HSD17B4: variants seen among roughly 807,000 people sequenced by gnomAD.
The protein encoded by HSD17B4 is peroxisomal multifunctional enzyme type 2.
HSD17B4 carries 70 observed loss-of-function variants against 101.0 expected under a neutral mutation model. The ratio of observed to expected loss-of-function variants is 0.69; its 90% CI spans 0.57 to 0.85. HSD17B4 has a LOEUF of 0.85. Ranked by LOEUF, HSD17B4 falls within the 40% of genes least tolerant of loss-of-function variation. The pLI is 0.00. For synonymous variants in HSD17B4, 347 were observed against 297.1 expected (o/e 1.17, Z -1.73); for missense variants, 984 against 892.4 (o/e 1.10, Z -1.31).
At chr5:119,500,235 G>T (rs1751033713) in intron 13 of HSD17B4, among the ~76,000 whole-genome samples, 1 of 151,892 alleles carries the variant, frequency 6.6e-6, no homozygotes, top group Admixed American at 6.6e-5. Flanking sequence ...TAAAAGTGCT[G>T]CATATGAGGG....
intron 9 of HSD17B4, 146 bp downstream of exon 9, chr5:119,489,429 A>G (rs1749901839): frequency 6.1e-6 from 4 of 652,780 alleles, no homozygotes; most frequent in Non-Finnish European, 1.1e-5. Flanking sequence ...CATTTTTTGG[A>G]AAGTAATAGT....
At chr5:119,508,692 G>A (rs1751888132) in intron 15 of HSD17B4, among the ~76,000 whole-genome samples, 2 of 152,194 alleles carry the variant, frequency 1.3e-5, no homozygotes, top group Non-Finnish European at 2.9e-5. Flanking sequence ...AGAGTGAGCA[G>A]AACAGCCATG....
intron 22 of HSD17B4, among the ~76,000 whole-genome samples, chr5:119,533,143 T>C (rs1206675123): frequency 1.3e-5 from 2 of 152,132 alleles, no homozygotes; most frequent in South Asian, 2.1e-4. Context: ...AAATAATTCT[T>C]GTAGAACACA....
intron 2 of HSD17B4, among the ~76,000 whole-genome samples, chr5:119,465,668 G>T (rs1755735745): frequency 6.6e-6 from 1 of 152,150 alleles, no homozygotes; most frequent in Non-Finnish European, 1.5e-5. Context: ...TTTGTATGTT[G>T]ATTTTCTATT....
At position 119,527,147 on chromosome 5, in the gene HSD17B4, A is replaced by G; in HGVS notation, c.1695A>G (p.Lys565=). 5 of 1,601,224 alleles carry G rather than the reference A, an allele frequency of 3.1e-6. No homozygotes were observed. Among genetic ancestry groups the G allele is most frequent in the Non-Finnish European group, 4.3e-6 (5 of 1,168,830 alleles). ...CTTTTTTAAAGGCTCGTTTTGCAAA[A>G]CCAGTATATCCAGGACAAACTCTAC... ...RFKAIKARFA[K]PVYPGQTLQT... Residue 565 remains lysine, a synonymous_variant, in exon 20 of 24, where the codon AAA becomes AAG. Coordinates refer to ENST00000510025, the MANE Select transcript of HSD17B4 (RefSeq NM_000414.4).
intron 21 of HSD17B4, among the ~76,000 whole-genome samples, chr5:119,530,990 C>CT (rs1254376169): frequency 6.6e-6 from 1 of 151,164 alleles, no homozygotes; most frequent in African/African-American, 2.4e-5. Context: ...TGATCAGGAT[C>CT]TTTCTAAAGT....
intron 2 of HSD17B4, among the ~76,000 whole-genome samples, chr5:119,464,276 G>C (rs1755581527): frequency 6.6e-6 from 1 of 152,072 alleles, no homozygotes; most frequent in Admixed American, 6.5e-5. Context: ...CCAATGTCCT[G>C]AAGTGTTTCC....
At chr5:119,453,182 T>C (rs1000454043) in intron 1 of HSD17B4, among the ~76,000 whole-genome samples, 15 of 152,322 alleles carry the variant, frequency 9.8e-5, no homozygotes, top group Admixed American at 7.8e-4. Context: ...CGTTGGAGTT[T>C]GTATGCTTAG....
chr5:119,494,174 G>C (rs148772186), intron 11 of HSD17B4, among the ~76,000 whole-genome samples: 1 of 151,992 alleles, frequency 6.6e-6, no homozygotes, highest in Non-Finnish European at 1.5e-5. Flanking sequence ...TTGGGTTTAT[G>C]TGTGATTGGG....
chr5:119,527,194 G>C lies in HSD17B4; in HGVS notation c.1742G>C (p.Gly581Ala). 6.2e-7 allele frequency: 1 copy of C among 1,607,694 alleles called. No individual in the cohort carries two copies. The highest frequency in any genetic ancestry group is 8.5e-7 in the Non-Finnish European group (1 of 1,174,708). Residue 581 changes from glycine (G) to alanine (A), a missense_variant, in exon 20 of 24, where the codon GGA becomes GCA. Transcript: ENST00000510025. ...CTACAAACTGAGATGTGGAAGGAAG[G>C]AAACAGAATTCATTTTCAAACCAAG... ...QTLQTEMWKE[G>A]NRIHFQTKVQ...
chr5:119,463,774 T>C (rs970453085), intron 2 of HSD17B4, among the ~76,000 whole-genome samples: 1 of 149,560 alleles, frequency 6.7e-6, no homozygotes, highest in Non-Finnish European at 1.5e-5. Flanking sequence ...GTTCAAGCGA[T>C]TCTCCTGCTT....
chr5:119,494,337 CTTTCTTTCTT>C (rs1750418977), intron 11 of HSD17B4, among the ~76,000 whole-genome samples: 11 of 136,932 alleles, frequency 8.0e-5, no homozygotes, highest in Admixed American at 6.8e-4. Context: ...TTCTTTCTTT[CTTTCTTTCTT>C]TCTTTCTTTC....
At position 119,482,641 on chromosome 5, in the gene HSD17B4, A is replaced by G. The variant is rs138788955; in HGVS notation, c.622+3620A>G. On this transcript the variant is annotated intron_variant, in intron 8 of 23. Transcript: ENST00000510025. ...GCCGTGTTTATTATTTACTATAGCT[A>G]TGGGTATCACAGGCTTCTGTTTCCT... 5.6e-3 allele frequency among the ~76,000 whole-genome samples: 846 copies of G among 152,150 alleles called. 7 individuals are homozygous for G. Among genetic ancestry groups the G allele is most frequent in the African/African-American group, 0.019 (799 of 41,534 alleles).
chr5:119,535,957 C>T (rs1329581763), intron 22 of HSD17B4: 2 of 191,932 alleles, frequency 1.0e-5, no homozygotes, highest in Admixed American at 1.1e-4. Context: ...CCTCACCCCT[C>T]CCTCATTAAA....
chr5:119,466,582 G>T (rs768505736), intron 2 of HSD17B4, among the ~76,000 whole-genome samples: 1 of 152,168 alleles, frequency 6.6e-6, no homozygotes, highest in South Asian at 2.1e-4. Context: ...GTTTGTTGGC[G>T]TAGAGTTGTT....
chr5:119,456,502 T>C (rs955160227), intron 2 of HSD17B4, 134 bp downstream of exon 2: 10 of 703,558 alleles, frequency 1.4e-5, no homozygotes, highest in Non-Finnish European at 2.3e-5. Context: ...TGCCAGAAGG[T>C]TTTTACCCCG....
intron 20 of HSD17B4, among the ~76,000 whole-genome samples, chr5:119,527,730 A>G (rs557767815): frequency 1.4e-4 from 21 of 152,186 alleles, no homozygotes; most frequent in Non-Finnish European, 2.4e-4. Flanking sequence ...TTGCAGAGTT[A>G]GAGACAAAAT....
intron 17 of HSD17B4, among the ~76,000 whole-genome samples, chr5:119,518,278 C>T (rs112298683): frequency 0.036 from 5,473 of 151,908 alleles, 218 homozygotes; most frequent in African/African-American, 0.1. Flanking sequence ...ACACTCACCG[C>T]GAAGGTCTGC....
intron 4 of HSD17B4, among the ~76,000 whole-genome samples, chr5:119,475,093 C>T (rs991337572): frequency 1.3e-5 from 2 of 152,024 alleles, no homozygotes; most frequent in South Asian, 2.1e-4. Context: ...TGGTCTATTA[C>T]ACTTATTTTT....
Sources: gnomAD v4.1 joint callset for allele counts (sites outside exome capture counted in the v4.1 genomes callset) on GRCh38, gnomAD v4.1.1 for gene constraint, MANE v1.5 for transcripts, NCBI Gene and HGNC (gene_info 2026-07-23, HGNC 2026-07-21) for gene names.